Variants in GABBR2 observed in about 807,000 individuals in gnomAD.
GABBR2 encodes the protein gamma-aminobutyric acid type B receptor subunit 2, also known as G-protein coupled receptor 51.
GABBR2 carries 23 observed loss-of-function variants against 105.6 expected under a neutral mutation model. The observed-to-expected ratio is 0.22, with a 90% CI of 0.16 to 0.31. GABBR2 has a LOEUF of 0.31. GABBR2 is among the 10% of genes least tolerant of loss of function. The pLI is 1.00. For missense variants in GABBR2, 734 were observed against 1,245.5 expected, an observed-to-expected ratio of 0.59 and a Z score of 6.18; for synonymous variants, 478 against 499.7, an observed-to-expected ratio of 0.96 and a Z score of 0.58.
intron 7 of GABBR2, among the ~76,000 whole-genome samples, chr9:98,424,843 A>C (rs565714928): frequency 3.0e-4 from 46 of 152,318 alleles, no homozygotes; most frequent in African/African-American, 1.1e-3. Context: ...GGATAGAAAC[A>C]AATGGAAGAA....
At chr9:98,585,704 T>TTCAGGTAGTCTAACTTCAGAG (rs368149116) in intron 1 of GABBR2, among the ~76,000 whole-genome samples, 1 of 90,878 alleles carries the variant, frequency 1.1e-5, no homozygotes, top group African/African-American at 4.0e-5. Flanking sequence ...ATGTCAAGGA[T>TTCAGGTAGTCTAACTTCAGAG]CTTATTCATG....
At chr9:98,630,747 T>C (rs1461355704) in intron 1 of GABBR2, among the ~76,000 whole-genome samples, 6 of 152,018 alleles carry the variant, frequency 3.9e-5, no homozygotes, top group African/African-American at 1.4e-4. Flanking sequence ...CAAGTCTCTG[T>C]TAAAAAAATG....
At chr9:98,586,143 AG>A (rs1336745755) in intron 1 of GABBR2, among the ~76,000 whole-genome samples, 2 of 152,182 alleles carry the variant, frequency 1.3e-5, no homozygotes, top group Non-Finnish European at 2.9e-5. Context: ...TATGAAAAAT[AG>A]TAATGCGAAC....
At chr9:98,357,104 T>C (rs532410600) in intron 13 of GABBR2, among the ~76,000 whole-genome samples, 52 of 152,312 alleles carry the variant, frequency 3.4e-4, no homozygotes, top group Non-Finnish European at 4.7e-4. Flanking sequence ...CTACATGACA[T>C]GCATTTGGCA....
At chr9:98,607,807 G>C (rs1829450968) in intron 1 of GABBR2, 2 of 835,608 alleles carry the variant, frequency 2.4e-6, no homozygotes, top group Admixed American at 3.8e-5. Flanking sequence ...CAAGAATAAA[G>C]GGCAGCTGAC....
chr9:98,291,605 G>A (rs1666590874), intron 18 of GABBR2, among the ~76,000 whole-genome samples: 1 of 152,190 alleles, frequency 6.6e-6, no homozygotes, highest in Non-Finnish European at 1.5e-5. Context: ...GAAAAAAAGG[G>A]ACACTGATGT....
chr9:98,557,336 C>A lies in GABBR2; in HGVS notation c.460-15293G>T, dbSNP rs150225640. ...CTGCACCTCCATCAGACCTTATCAC[C>A]TGTACTGTCATTGCATCCAAACTGT... On this transcript the variant is annotated intron_variant, in intron 2 of 18. Transcript: ENST00000259455. Among the ~76,000 whole-genome samples the A allele has an allele frequency of 3.9e-3, 590 of 152,316 alleles. 2 individuals are homozygous for A. Among genetic ancestry groups the A allele is most frequent in the African/African-American group, 0.013 (550 of 41,550 alleles).
chr9:98,581,515 G>GAGGGAGAC (rs1280959365), intron 1 of GABBR2, among the ~76,000 whole-genome samples: 4 of 93,314 alleles, frequency 4.3e-5, no homozygotes, highest in Non-Finnish European at 7.6e-5. Context: ...GGGAGGGAGG[G>GAGGGAGAC]AGGGAGACAG....
Position 98,293,762 on chromosome 9 carries a change from A to G in GABBR2, c.2660+23T>C, listed in dbSNP as rs201847926. The G allele has an allele frequency of 1.5e-3, 1,891 of 1,251,668 alleles. 19 individuals are homozygous for G. Among genetic ancestry groups the G allele is most frequent in the South Asian group, 4.8e-3 (387 of 79,854 alleles). 77.5% of individuals were successfully genotyped at this position (1,251,668 alleles called of 1,614,324 possible). ...GTGACGTATTTCTTCTTCAGTTATA[A>G]TTCTCAAGGAGAAGGTACTTACTGT... On this transcript the variant is annotated intron_variant, in intron 18 of 18. Coordinates refer to ENST00000259455, the MANE Select transcript of GABBR2 (RefSeq NM_005458.8).
chr9:98,602,005 A>G (rs963967109), intron 1 of GABBR2, among the ~76,000 whole-genome samples: 17 of 152,002 alleles, frequency 1.1e-4, no homozygotes, highest in East Asian at 3.9e-4. Context: ...TTATTTTTTC[A>G]TTGTTATTTT....
At chr9:98,693,473 A>T (rs1426592667) in intron 1 of GABBR2, among the ~76,000 whole-genome samples, 2 of 152,162 alleles carry the variant, frequency 1.3e-5, no homozygotes, top group Non-Finnish European at 2.9e-5. Context: ...TCCCTTGCAG[A>T]TCATTTTGCC....
At chr9:98,703,729 G>C (rs1830860972) in intron 1 of GABBR2, among the ~76,000 whole-genome samples, 1 of 151,870 alleles carries the variant, frequency 6.6e-6, no homozygotes, top group African/African-American at 2.4e-5. Context: ...TTGGCCTCAA[G>C]CAATCCTCTC....
chr9:98,643,746 A>C (rs1829997808), intron 1 of GABBR2, among the ~76,000 whole-genome samples: 1 of 152,236 alleles, frequency 6.6e-6, no homozygotes, highest in Admixed American at 6.5e-5. Context: ...CACAGCCCCC[A>C]GTAGGCCCAA....
intron 13 of GABBR2, among the ~76,000 whole-genome samples, chr9:98,358,096 C>A (rs945383957): frequency 6.6e-6 from 1 of 152,164 alleles, no homozygotes. Flanking sequence ...CCATAGTGCA[C>A]GTATCCATTC....
intron 12 of GABBR2, among the ~76,000 whole-genome samples, chr9:98,365,788 A>C (rs1831665395): frequency 6.7e-6 from 1 of 148,970 alleles, no homozygotes; most frequent in South Asian, 2.1e-4. Flanking sequence ...AGGTGATTTA[A>C]AATAATCTTA....
intron 3 of GABBR2, among the ~76,000 whole-genome samples, chr9:98,540,707 T>C (rs563579854): frequency 6.6e-6 from 1 of 152,356 alleles, no homozygotes; most frequent in East Asian, 1.9e-4. Flanking sequence ...GGCTAAAGTT[T>C]GTTTCTCTTG....
intron 3 of GABBR2, among the ~76,000 whole-genome samples, chr9:98,525,105 A>G (rs1827932451): frequency 6.6e-6 from 1 of 152,218 alleles, no homozygotes; most frequent in African/African-American, 2.4e-5. Context: ...GAATTAGACA[A>G]TGGTCTCTTA....
intron 3 of GABBR2, chr9:98,538,424 C>T (rs1828223287): frequency 6.5e-6 from 1 of 154,544 alleles, no homozygotes; most frequent in Non-Finnish European, 1.4e-5. Flanking sequence ...CTGATACATC[C>T]TAGGGTCAGC....
At chr9:98,348,478 T>C (rs1185010995) in intron 13 of GABBR2, among the ~76,000 whole-genome samples, 1 of 152,230 alleles carries the variant, frequency 6.6e-6, no homozygotes. Context: ...AGAATGTCAT[T>C]GACCTTTTGA....
Sources: gnomAD v4.1 joint callset for allele counts (sites outside exome capture counted in the v4.1 genomes callset) on GRCh38, gnomAD v4.1.1 for gene constraint, MANE v1.5 for transcripts, NCBI Gene and HGNC (gene_info 2026-07-23, HGNC 2026-07-21) for gene names.